The following NPY4R variants were observed in gnomAD, a reference collection of about 807,000 sequenced individuals.
NPY4R encodes neuropeptide Y receptor type 4.
NPY4R carries 2 observed loss-of-function variants against 11.9 expected under a neutral mutation model. The ratio of observed to expected loss-of-function variants is 0.17; its 90% CI spans 0.07 to 0.53. NPY4R has a LOEUF of 0.53. NPY4R is among the 20% of genes least tolerant of loss of function. The pLI is 0.94. For synonymous variants in NPY4R, 8 were observed against 121.7 expected, an observed-to-expected ratio of 0.07 and a Z score of 6.15; for missense variants, 26 against 280.2, an observed-to-expected ratio of 0.09 and a Z score of 6.48.
Position 46,462,518 on chromosome 10 carries a change from C to T in NPY4R, c.118G>A (p.Val40Met), listed in dbSNP as rs148605550. The T allele has an allele frequency of 3.4e-4, 543 of 1,613,860 alleles. No homozygotes were observed. Among genetic ancestry groups the T allele is most frequent in the African/African-American group, 1.3e-3 (98 of 74,996 alleles). The stretch of plus-strand genomic sequence containing the variant: ...TAGGAAGTGACGATGAAGACCATCA[C>T]GTCCACGGAATCCTGGCAATGTTCA... ...FSEHCQDSVD[V>M]MVFIVTSYSI... The change falls in exon 3 of 3, where the codon GTG becomes ATG. Residue 40 changes from valine (V) to methionine (M), a missense_variant. Transcript: ENST00000374312.
At chr10:46,465,972 CGCTCCCGCCT>C (rs1305175890), upstream of NPY4R, 3 of 156,564 alleles carry the variant, frequency 1.9e-5, no homozygotes, top group Admixed American at 6.5e-5. Flanking sequence ...GCGGCTGCTA[CGCTCCCGCCT>C]GCGCCCGCCC....
At chr10:46,468,247 CCA>C (rs1841112174), upstream of NPY4R, among the ~76,000 whole-genome samples, 1 of 134,190 alleles carries the variant, frequency 7.5e-6, no homozygotes, top group South Asian at 2.4e-4. Flanking sequence ...ACCAATACTC[CCA>C]GAGTTGGCTG....
upstream of NPY4R, among the ~76,000 whole-genome samples, chr10:46,466,184 T>TCTTTCTTTCTTTC (rs1491381958): frequency 9.0e-3 from 14 of 1,552 alleles, no homozygotes; most frequent in South Asian, 0.037. Context: ...TCTTTCTCTC[T>TCTTTCTTTCTTTC]TTCTTTCTTT....
upstream of NPY4R, among the ~76,000 whole-genome samples, chr10:46,466,219 C>CT (rs1223493033): frequency 4.7e-5 from 3 of 64,396 alleles, 1 homozygote; most frequent in African/African-American, 2.9e-4. Flanking sequence ...TTCTTTCTTT[C>CT]TTTCTTTCTT....
At chr10:46,466,263 CCTTTCTTTCTT>C (rs1438064814), upstream of NPY4R, among the ~76,000 whole-genome samples, 13 of 12,532 alleles carry the variant, frequency 1.0e-3, no homozygotes, top group African/African-American at 2.9e-3. Context: ...TTCTTTCTTT[CCTTTCTTTCTT>C]TCTTTCTTTC....
upstream of NPY4R, among the ~76,000 whole-genome samples, chr10:46,466,233 TTC>T (rs1491099363): frequency 1.5e-5 from 1 of 65,766 alleles, no homozygotes; most frequent in African/African-American, 8.9e-5. Context: ...CTTTCTTTCT[TTC>T]TTTCTTTCTT....
upstream of NPY4R, among the ~76,000 whole-genome samples, chr10:46,466,082 G>A (rs1321658066): frequency 6.7e-6 from 1 of 148,190 alleles, no homozygotes; most frequent in Non-Finnish European, 1.5e-5. Context: ...CGCATCTTGA[G>A]CCCCCAAGGC....
chr10:46,466,165 G>A (rs1392077432), upstream of NPY4R, among the ~76,000 whole-genome samples: 1 of 60,066 alleles, frequency 1.7e-5, no homozygotes, highest in South Asian at 1.2e-3. Flanking sequence ...GCAGGCTGGA[G>A]CTGCGCTGTC....
rs1565138556 is a variant in NPY4R at position 46,462,511 on chromosome 10, ACCATCACGT to A, written c.116_124del (p.Asp39_Met41del). On this transcript the variant is annotated inframe_deletion, in exon 3 of 3. Transcript: ENST00000374312. ...AATGCTGTAGGAAGTGACGATGAAG[ACCATCACGT>A]CCACGGAATCCTGGCAATGTTCAGA... 6.2e-7 allele frequency: 1 copy of A among 1,614,102 alleles called. No homozygotes were observed. Among genetic ancestry groups the A allele is most frequent in the Non-Finnish European group, 8.5e-7 (1 of 1,180,052 alleles).
upstream of NPY4R, among the ~76,000 whole-genome samples, chr10:46,466,181 C>CTCTTTCTT (rs1171598410): frequency 1.3e-3 from 30 of 22,300 alleles, 1 homozygote; most frequent in Non-Finnish European, 1.3e-3. Context: ...CTGTCTTTCT[C>CTCTTTCTT]TCTTTCTTTC....
At chr10:46,466,231 CTT>C (rs1325785573), upstream of NPY4R, among the ~76,000 whole-genome samples, 1 of 68,308 alleles carries the variant, frequency 1.5e-5, no homozygotes, top group Non-Finnish European at 2.8e-5. Flanking sequence ...TTCTTTCTTT[CTT>C]TCTTTCTTTC....
At chr10:46,466,410 C>T (rs1841056006), upstream of NPY4R, among the ~76,000 whole-genome samples, 1 of 93,408 alleles carries the variant, frequency 1.1e-5, no homozygotes, top group Non-Finnish European at 2.1e-5. Context: ...GCCTCAGTTT[C>T]CTCATCCATG....
chr10:46,466,258 TC>T (rs1554991263), upstream of NPY4R, among the ~76,000 whole-genome samples: 17 of 62,650 alleles, frequency 2.7e-4, 2 homozygotes, highest in African/African-American at 2.1e-4. Context: ...TTTCTTTCTT[TC>T]TTTCCTTTCT....
At chr10:46,466,257 TTCTTTCCTTTCTTTCTTTCTTTCTTTC>T (rs1841039721), upstream of NPY4R, among the ~76,000 whole-genome samples, 71 of 63,730 alleles carry the variant, frequency 1.1e-3, 6 homozygotes, top group African/African-American at 6.3e-3. Flanking sequence ...CTTTCTTTCT[TTCTTTCCTTTCTTTCTTTCTTTCTTTC>T]TCTCTCTCTC....
upstream of NPY4R, among the ~76,000 whole-genome samples, chr10:46,466,286 C>CTTTCTTT (rs782691125): frequency 6.7e-5 from 1 of 14,970 alleles, no homozygotes; most frequent in African/African-American, 2.6e-4. Context: ...CTTTCTTTCT[C>CTTTCTTT]TCTCTCTCTC....
At chr10:46,468,310 G>A (rs1210595550), upstream of NPY4R, among the ~76,000 whole-genome samples, 4 of 143,594 alleles carry the variant, frequency 2.8e-5, no homozygotes, top group Admixed American at 7.0e-5. Flanking sequence ...TCTGGAGGCA[G>A]CAGAGCCCTG....
chr10:46,466,270 T>C (rs1230390899), upstream of NPY4R, among the ~76,000 whole-genome samples: 21 of 83,926 alleles, frequency 2.5e-4, no homozygotes, highest in African/African-American at 7.4e-4. Context: ...TTTCCTTTCT[T>C]TCTTTCTTTC....
upstream of NPY4R, among the ~76,000 whole-genome samples, chr10:46,466,274 TTCTTTCTTTCTCTCTCTCTC>T (rs1841046518): frequency 5.0e-5 from 3 of 60,384 alleles, no homozygotes; most frequent in Non-Finnish European, 3.3e-5. Flanking sequence ...CTTTCTTTCT[TTCTTTCTTTCTCTCTCTCTC>T]TCTCTCTCCC....
Position 46,461,898 on chromosome 10 carries a change from G to A in NPY4R, c.738C>T (p.Arg246=), listed in dbSNP as rs113117352. The A allele has an allele frequency of 1.6e-4, 161 of 985,502 alleles. 17 individuals are homozygous for A. The African/African-American group carries it at 3.0e-3, about 18-fold the overall frequency. The allele number at this position is 985,502 out of a possible 1,614,324, so 61.0% of individuals were successfully genotyped here. A position where few individuals can be genotyped will look rare whatever the true frequency, so the allele number is the denominator to read the frequency against. ...RIYRCLQRQG[R]VFHKGTYSLR... Reference sequence around the variant, plus strand: ...AGCTGTAGGTGCCCTTGTGAAACACGCGCCCCTGCCTCTGCAGGCACCGGT... The same window carrying A: ...AGCTGTAGGTGCCCTTGTGAAACACACGCCCCTGCCTCTGCAGGCACCGGT... Residue 246 remains arginine (R), a synonymous_variant, in exon 3 of 3, where the codon CGC becomes CGT. Coordinates refer to ENST00000374312, the MANE Select transcript of NPY4R (RefSeq NM_005972.6).
Sources: gnomAD v4.1 joint callset for allele counts (sites outside exome capture counted in the v4.1 genomes callset) on GRCh38, gnomAD v4.1.1 for gene constraint, MANE v1.5 for transcripts, NCBI Gene and HGNC (gene_info 2026-07-23, HGNC 2026-07-21) for gene names.